SMYD3: variants seen among roughly 807,000 people sequenced by gnomAD.
SMYD3 encodes the protein histone-lysine N-methyltransferase SMYD3.
SMYD3 carries 36 observed loss-of-function variants against 57.7 expected under a neutral mutation model. The observed-to-expected ratio is 0.62, with a 90% CI of 0.48 to 0.82. The LOEUF (loss-of-function observed/expected upper bound fraction) is 0.82, where lower values mean the gene tolerates loss of function less well. Ranked by LOEUF, SMYD3 falls within the 40% of genes least tolerant of loss-of-function variation. SMYD3 has a pLI of 0.00. For synonymous variants in SMYD3, 211 were observed against 195.0 expected (o/e 1.08, Z -0.68); for missense variants, 515 against 538.8 (o/e 0.96, Z 0.44).
rs1386817830 is a variant in SMYD3 at position 246,261,369 on chromosome 1, T to C, written c.531+65832A>G. The stretch of plus-strand genomic sequence containing the variant: ...ACCGCACCCAGCTCTCTTTGTTTTT[T>C]TTTTTTAATGTTACCTTATAGTCAC... On this transcript the variant is annotated intron_variant, in intron 5 of 11. Transcript: ENST00000490107. Among the ~76,000 whole-genome samples, 8 of 151,904 alleles carry C rather than the reference T, an allele frequency of 5.3e-5. No individual in the cohort carries two copies. The East Asian group carries it at 1.5e-3, about 29-fold the overall frequency.
chr1:245,822,436 T>C (rs2049217981), intron 10 of SMYD3, among the ~76,000 whole-genome samples: 2 of 149,060 alleles, frequency 1.3e-5, no homozygotes, highest in African/African-American at 2.5e-5. Context: ...CTGGGAGATA[T>C]ACCTAATGCT....
chr1:246,095,486 G>T (rs866151601), intron 5 of SMYD3, among the ~76,000 whole-genome samples: 2 of 152,182 alleles, frequency 1.3e-5, no homozygotes, highest in African/African-American at 4.8e-5. Flanking sequence ...CACAGATTAG[G>T]AAGACAAATC....
intron 1 of SMYD3, among the ~76,000 whole-genome samples, chr1:246,410,092 G>C (rs2102983376): frequency 6.6e-6 from 1 of 152,122 alleles, no homozygotes; most frequent in East Asian, 1.9e-4. Context: ...GGGTTTTCTA[G>C]ATATACAATC....
At chr1:245,905,109 C>T (rs746002518) in intron 8 of SMYD3, among the ~76,000 whole-genome samples, 41 of 152,086 alleles carry the variant, frequency 2.7e-4, no homozygotes, top group Non-Finnish European at 4.4e-4. Context: ...TGAATTACAT[C>T]GAAGGCCTTG....
At chr1:246,371,606 T>C (rs1175036958) in intron 1 of SMYD3, among the ~76,000 whole-genome samples, 2 of 152,182 alleles carry the variant, frequency 1.3e-5, no homozygotes, top group Non-Finnish European at 2.9e-5. Context: ...AAAAGTACCA[T>C]GGGTAAAATT....
At chr1:246,236,150 G>A (rs1209729777) in intron 5 of SMYD3, among the ~76,000 whole-genome samples, 1 of 151,858 alleles carries the variant, frequency 6.6e-6, no homozygotes, top group Admixed American at 6.6e-5. Context: ...TAAAACTAGC[G>A]TGATTTTTAA....
chr1:246,443,145 C>T (rs887513896), intron 1 of SMYD3, among the ~76,000 whole-genome samples: 2 of 151,940 alleles, frequency 1.3e-5, no homozygotes, highest in South Asian at 2.1e-4. Flanking sequence ...CACATATATA[C>T]ATGCCTAAGA....
intron 5 of SMYD3, among the ~76,000 whole-genome samples, chr1:245,985,132 T>TCC (rs2058677153): frequency 6.6e-6 from 1 of 152,054 alleles, no homozygotes. Flanking sequence ...CTTCACTGCC[T>TCC]CCCTTTTGGT....
In SMYD3 at chr1:246,355,370, G is replaced by A. The variant is rs75671617; in HGVS notation, c.165-276C>T. 3,978 of 409,416 alleles carry A rather than the reference G, an allele frequency of 9.7e-3. 142 individuals carry two copies. Among genetic ancestry groups the A allele is most frequent in the African/African-American group, 0.074 (3,601 of 48,610 alleles). The allele number at this position is 409,416 out of a possible 1,614,324, so 25.4% of individuals were successfully genotyped here. On this transcript the variant is annotated intron_variant, in intron 1 of 11. Coordinates refer to ENST00000490107, the MANE Select transcript of SMYD3 (RefSeq NM_001167740.2). The surrounding 1 kb of genome is among the most constrained non-coding windows in gnomAD (Gnocchi z 5.0). The stretch of plus-strand genomic sequence containing the variant: ...CTCCCGATCGGACAGACAGAGCAGC[G>A]TGTGGGGACTCACACTGTGAACTTT...
chr1:246,229,613 G>A (rs1439325027), intron 5 of SMYD3, among the ~76,000 whole-genome samples: 1 of 152,156 alleles, frequency 6.6e-6, no homozygotes, highest in East Asian at 1.9e-4. Context: ...AGTTCTGGAG[G>A]CTGGGAAGGT....
chr1:245,870,819 G>A (rs1274414973), intron 8 of SMYD3, among the ~76,000 whole-genome samples: 1 of 70,134 alleles, frequency 1.4e-5, no homozygotes, highest in African/African-American at 3.8e-5. Flanking sequence ...AGTGACCACG[G>A]GCTCTGTCAG....
chr1:245,914,824 T>G (rs564132176), intron 8 of SMYD3, among the ~76,000 whole-genome samples: 1 of 152,102 alleles, frequency 6.6e-6, no homozygotes, highest in Non-Finnish European at 1.5e-5. Context: ...CTACACATAG[T>G]ATACACATAA....
At chr1:246,407,651 G>A (rs2066887625) in intron 1 of SMYD3, among the ~76,000 whole-genome samples, 1 of 151,986 alleles carries the variant, frequency 6.6e-6, no homozygotes, top group Non-Finnish European at 1.5e-5. Flanking sequence ...AGACCAGCCT[G>A]GCCAACATGG....
intron 1 of SMYD3, among the ~76,000 whole-genome samples, chr1:246,384,862 A>G (rs375859828): frequency 2.6e-5 from 4 of 152,332 alleles, no homozygotes; most frequent in African/African-American, 9.6e-5. Context: ...CTATCTGTCA[A>G]AAGACATTAT....
chr1:246,272,492 T>G (rs966893391), intron 5 of SMYD3, among the ~76,000 whole-genome samples: 2 of 152,174 alleles, frequency 1.3e-5, no homozygotes, highest in Non-Finnish European at 2.9e-5. Flanking sequence ...CATGAAAGGG[T>G]ATTGAATTTT....
At chr1:246,168,493 A>C (rs535453934) in intron 5 of SMYD3, among the ~76,000 whole-genome samples, 24 of 152,340 alleles carry the variant, frequency 1.6e-4, no homozygotes, top group Non-Finnish European at 2.9e-4. Context: ...AGGAGGCAGA[A>C]CCAAAATCTG....
chr1:246,206,658 G>A (rs2063005094), intron 5 of SMYD3, among the ~76,000 whole-genome samples: 1 of 152,150 alleles, frequency 6.6e-6, no homozygotes, highest in African/African-American at 2.4e-5. Context: ...TTTGGGGACT[G>A]TCTGAACAGA....
At chr1:246,439,109 G>A (rs1039492402) in intron 1 of SMYD3, among the ~76,000 whole-genome samples, 1 of 139,766 alleles carries the variant, frequency 7.2e-6, no homozygotes, top group Non-Finnish European at 1.5e-5. Flanking sequence ...TATTTTCGGG[G>A]GGGGGGGTTC....
intron 1 of SMYD3, among the ~76,000 whole-genome samples, chr1:246,439,480 T>C (rs1345401364): frequency 6.6e-6 from 1 of 152,198 alleles, no homozygotes; most frequent in Non-Finnish European, 1.5e-5. Context: ...TTTTATCTCC[T>C]GAGACAAACG....
Sources: allele counts gnomAD v4.1 joint callset (sites outside exome capture counted in the v4.1 genomes callset), GRCh38; gene constraint gnomAD v4.1.1; non-coding constraint Gnocchi (gnomAD v3.1); transcripts MANE v1.5; gene names NCBI Gene and HGNC (gene_info 2026-07-23, HGNC 2026-07-21).